SCARA5: variants seen among roughly 807,000 people sequenced by gnomAD.
SCARA5 encodes the protein scavenger receptor class A member 5.
Under a neutral mutation model 46.3 loss-of-function variants are expected in SCARA5, and 45 were observed. The ratio of observed to expected loss-of-function variants is 0.97; its 90% CI spans 0.76 to 1.24. The LOEUF (loss-of-function observed/expected upper bound fraction) is 1.24. Ranked by LOEUF, SCARA5 falls within the 50% of genes most tolerant of loss-of-function variation. The probability of loss-of-function intolerance (pLI) is 0.00; values close to 1 mark genes in which losing one functional copy is unlikely to be tolerated. For synonymous variants in SCARA5, 333 were observed against 306.5 expected, an observed-to-expected ratio of 1.09 and a Z score of -0.90; for missense variants, 680 against 689.0, an observed-to-expected ratio of 0.99 and a Z score of 0.15.
chr8:27,975,615 A>T (rs1808511053), intron 2 of SCARA5, among the ~76,000 whole-genome samples: 2 of 152,240 alleles, frequency 1.3e-5, no homozygotes, highest in African/African-American at 4.8e-5. Context: ...TTGGCTGTTG[A>T]TGGAGAGAAA....
chr8:27,888,061 G>A (rs767214319), intron 7 of SCARA5, among the ~76,000 whole-genome samples: 5 of 151,702 alleles, frequency 3.3e-5, no homozygotes, highest in South Asian at 2.1e-4. Flanking sequence ...TCTGATTGAC[G>A]GACTTTTTTT....
chr8:27,921,180 T>C (rs899093797), intron 4 of SCARA5, among the ~76,000 whole-genome samples: 2 of 152,190 alleles, frequency 1.3e-5, no homozygotes, highest in African/African-American at 4.8e-5. Flanking sequence ...GGAGCCCCTC[T>C]CTACTCCCGG....
At chr8:27,962,619 A>C (rs1054943304) in intron 3 of SCARA5, among the ~76,000 whole-genome samples, 2 of 152,174 alleles carry the variant, frequency 1.3e-5, no homozygotes, top group Non-Finnish European at 2.9e-5. Flanking sequence ...CCAGGGACAG[A>C]CCTGCTTGAA....
At chr8:27,928,499 T>C (rs1807716098) in intron 3 of SCARA5, among the ~76,000 whole-genome samples, 1 of 152,124 alleles carries the variant, frequency 6.6e-6, no homozygotes, top group South Asian at 2.1e-4. Context: ...ACACAGAGGT[T>C]CAGTAACTCA....
intron 6 of SCARA5, among the ~76,000 whole-genome samples, chr8:27,906,895 C>T (rs1369052557): frequency 2.6e-5 from 4 of 152,110 alleles, no homozygotes; most frequent in Non-Finnish European, 4.4e-5. Context: ...AGATGGGGCT[C>T]TTGGGCTCAA....
chr8:27,977,981 C>T (rs1385276900), intron 2 of SCARA5, among the ~76,000 whole-genome samples: 13 of 150,956 alleles, frequency 8.6e-5, no homozygotes, highest in Admixed American at 7.9e-4. Flanking sequence ...ACTGGATTCA[C>T]TAAAGTGCAC....
rs747325870 is a variant in SCARA5 at position 27,966,469 on chromosome 8, G to A, written c.186C>T (p.Val62=). Residue 62 remains valine (V), a synonymous_variant, in exon 3 of 9, where the codon GTC becomes GTT. Transcript: ENST00000354914. ...GGAAGACCAGCAGGTAGAGCCCCAG[G>A]ACAGCATGCTTCAGGGCCGACAGGG... ...LGSLSALKHA[V]LGLYLLVFLI... is the part of the protein sequence containing the mutation. The A allele has an allele frequency of 1.2e-6, 2 of 1,613,810 alleles. No homozygotes were observed. Among genetic ancestry groups the A allele is most frequent in the Non-Finnish European group, 1.7e-6 (2 of 1,179,920 alleles).
chr8:27,930,744 T>C (rs906331509), intron 3 of SCARA5, among the ~76,000 whole-genome samples: 2 of 152,186 alleles, frequency 1.3e-5, no homozygotes, highest in African/African-American at 4.8e-5. Context: ...TGGGTATGTC[T>C]TTACGTGCAG....
At chr8:27,901,914 G>A (rs1027124684) in intron 7 of SCARA5, among the ~76,000 whole-genome samples, 1 of 152,188 alleles carries the variant, frequency 6.6e-6, no homozygotes, top group African/African-American at 2.4e-5. Context: ...AAGGACGTGA[G>A]GAAGTCCGTC....
chr8:27,875,197 T>TCACTCCTCCCTC (rs1806703736), intron 8 of SCARA5, among the ~76,000 whole-genome samples: 1 of 82,226 alleles, frequency 1.2e-5, no homozygotes, highest in Admixed American at 1.2e-4. Context: ...CTCCCTCCCT[T>TCACTCCTCCCTC]CACTCCTCCC....
chr8:27,891,210 GTTT>G (rs34929949), intron 7 of SCARA5, among the ~76,000 whole-genome samples: 40 of 66,036 alleles, frequency 6.1e-4, no homozygotes, highest in African/African-American at 1.4e-3. Flanking sequence ...TTTTTTTTTT[GTTT>G]TTTTTTTTAA....
intron 3 of SCARA5, among the ~76,000 whole-genome samples, chr8:27,948,222 C>T (rs1308273875): frequency 6.6e-6 from 1 of 152,070 alleles, no homozygotes; most frequent in Non-Finnish European, 1.5e-5. Flanking sequence ...CAGATTTGGC[C>T]TCGGGCTGGG....
chr8:27,977,878 T>G (rs1808550669), intron 2 of SCARA5, among the ~76,000 whole-genome samples: 1 of 152,208 alleles, frequency 6.6e-6, no homozygotes, highest in Non-Finnish European at 1.5e-5. Context: ...AAAAACGCAC[T>G]GGATTTTGAA....
rs1216538801 is a variant in SCARA5, at chr8:27,872,064, C to T, written c.1358G>A (p.Gly453Glu). 1 of 1,614,196 alleles carries T rather than the reference C, an allele frequency of 6.2e-7. No homozygotes were observed. The highest frequency in any genetic ancestry group is 8.5e-7 in the Non-Finnish European group (1 of 1,180,038). Reference sequence around the variant, plus strand: ...GGCAACGTCATCCATCCAGATCCTCCCAGTGCCTGTGGAGACAGGGAAACA... The same window carrying T: ...GGCAACGTCATCCATCCAGATCCTCTCAGTGCCTGTGGAGACAGGGAAACA... ...YRTARFGQGT[G>E]RIWMDDVACK... Residue 453 changes from glycine to glutamate, a missense_variant, in exon 9 of 9, where the codon GGG (glycine) becomes GAG (glutamate). Gly to Glu is a moderately conservative substitution (Grantham distance 98). Around this residue, in one of 3 missense-constraint regions of SCARA5, gnomAD observed 219 missense variants for 269.5 expected, o/e 0.81. Coordinates refer to ENST00000354914, the MANE Select transcript of SCARA5 (RefSeq NM_173833.6).
At chr8:27,980,186 A>G (rs560838988) in intron 2 of SCARA5, among the ~76,000 whole-genome samples, 1 of 152,164 alleles carries the variant, frequency 6.6e-6, no homozygotes, top group Non-Finnish European at 1.5e-5. Context: ...GGATCCCTGA[A>G]TATATTTTGC....
chr8:27,920,726 C>A (rs528399495), intron 4 of SCARA5, among the ~76,000 whole-genome samples: 18 of 152,212 alleles, frequency 1.2e-4, no homozygotes, highest in African/African-American at 4.3e-4. Context: ...GCAGGAGGAT[C>A]ACTTAAGCCC....
chr8:27,981,638 G>C (rs574886007), intron 2 of SCARA5, among the ~76,000 whole-genome samples: 3 of 152,194 alleles, frequency 2.0e-5, no homozygotes, highest in Non-Finnish European at 4.4e-5. Flanking sequence ...AACACAACTC[G>C]TGTGTGCACC....
At chr8:27,882,154 A>G (rs1806822534) in intron 7 of SCARA5, among the ~76,000 whole-genome samples, 1 of 152,194 alleles carries the variant, frequency 6.6e-6, no homozygotes, top group African/African-American at 2.4e-5. Flanking sequence ...TCAGATTGGC[A>G]TCTTTCACTT....
At chr8:27,932,769 C>T (rs1807796616) in intron 3 of SCARA5, among the ~76,000 whole-genome samples, 2 of 152,258 alleles carry the variant, frequency 1.3e-5, no homozygotes, top group African/African-American at 4.8e-5. Context: ...GCTGGGATTA[C>T]AGGCACCTGC....
Sources: gnomAD v4.1 joint callset for allele counts (sites outside exome capture counted in the v4.1 genomes callset) on GRCh38, gnomAD v4.1.1 for gene constraint, gnomAD v4.1.1 regional missense constraint, MANE v1.5 for transcripts, NCBI Gene and HGNC (gene_info 2026-07-23, HGNC 2026-07-21) for gene names.